Variants in ANXA3 observed in about 807,000 individuals in gnomAD.
ANXA3 encodes 35-alpha calcimedin.
ANXA3 carries 46 observed loss-of-function variants against 48.8 expected under a neutral mutation model. The observed-to-expected ratio is 0.94, with a 90% confidence interval of 0.74 to 1.21. ANXA3 has a LOEUF of 1.21. Ranked by LOEUF, ANXA3 falls within the 50% of genes most tolerant of loss-of-function variation. ANXA3 has a pLI of 0.00. For synonymous variants in ANXA3, 128 were observed against 134.7 expected, an observed-to-expected ratio of 0.95 and a Z score of 0.35; for missense variants, 383 against 378.6, an observed-to-expected ratio of 1.01 and a Z score of -0.10.
intron 2 of ANXA3, among the ~76,000 whole-genome samples, chr4:78,570,138 T>G (rs1273142869): frequency 1.3e-5 from 2 of 152,222 alleles, no homozygotes. Context: ...AAATTCCACT[T>G]CAGAATTCCC....
chr4:78,561,575 A>C (rs147243529), intron 2 of ANXA3, among the ~76,000 whole-genome samples: 195 of 152,170 alleles, frequency 1.3e-3, no homozygotes, highest in Non-Finnish European at 1.9e-3. Context: ...CTTCTTTGCT[A>C]TGCAAATTTA....
rs757424621 is a variant in ANXA3, at chr4:78,604,317, T to C, written c.830T>C (p.Val277Ala). The change falls in exon 12 of 13, where the codon GTG becomes GCG. Residue 277 changes from valine to alanine, a missense_variant. Coordinates refer to ENST00000264908, the MANE Select transcript of ANXA3 (RefSeq NM_005139.3). ...GAGTTTACTCTGAACCGAATAATGG[T>C]GTCCAGATCAGAAATTGACCTTTTG... ...TDEFTLNRIM[V>A]SRSEIDLLDI... 3 of 1,613,444 alleles carry C rather than the reference T, an allele frequency of 1.9e-6. No homozygotes were observed. In the East Asian group the frequency reaches 6.7e-5, roughly 36 times the overall value.
chr4:78,583,492 C>A (rs1479225955), intron 5 of ANXA3, among the ~76,000 whole-genome samples: 1 of 142,846 alleles, frequency 7.0e-6, no homozygotes, highest in African/African-American at 2.6e-5. Flanking sequence ...GGCATGGTGG[C>A]TCATGCCTGT....
chr4:78,593,297 G>A (rs1723343896), intron 7 of ANXA3, among the ~76,000 whole-genome samples: 1 of 151,984 alleles, frequency 6.6e-6, no homozygotes, highest in African/African-American at 2.4e-5. Flanking sequence ...CTGCCTCCCA[G>A]GTTCAAGCAA....
chr4:78,581,318 C>A (rs1175211830), intron 4 of ANXA3, among the ~76,000 whole-genome samples: 1 of 152,068 alleles, frequency 6.6e-6, no homozygotes, highest in Non-Finnish European at 1.5e-5. Flanking sequence ...AAAATAGAAA[C>A]CCTGTTACCC....
chr4:78,563,390 C>G (rs769326075), intron 2 of ANXA3, among the ~76,000 whole-genome samples: 1 of 152,150 alleles, frequency 6.6e-6, no homozygotes, highest in African/African-American at 2.4e-5. Flanking sequence ...GTCGTTCCCC[C>G]TCCCCCACCA....
intron 11 of ANXA3, chr4:78,603,997 G>C: frequency 4.1e-6 from 1 of 244,908 alleles, no homozygotes; most frequent in East Asian, 8.1e-5. Flanking sequence ...ATGTCAGACT[G>C]TTTTGCAATG....
At chr4:78,574,634 A>ATATGTTTTTGCCTCTTAACAT (rs1190639356) in intron 3 of ANXA3, among the ~76,000 whole-genome samples, 1 of 152,190 alleles carries the variant, frequency 6.6e-6, no homozygotes, top group Non-Finnish European at 1.5e-5. Flanking sequence ...TTCTTCTGCA[A>ATATGTTTTTGCCTCTTAACAT]TATGTTTTTG....
At chr4:78,581,448 T>C (rs559285677) in intron 4 of ANXA3, among the ~76,000 whole-genome samples, 19 of 152,292 alleles carry the variant, frequency 1.2e-4, no homozygotes, top group African/African-American at 3.6e-4. Context: ...AGGATAACTA[T>C]AGTTAACAAT....
At chr4:78,602,831 C>T (rs757515996) in intron 11 of ANXA3, 7 of 152,398 alleles carry the variant, frequency 4.6e-5, no homozygotes, top group Non-Finnish European at 1.0e-4. Context: ...AGGAATTTGC[C>T]CAACTCTCTG....
At chr4:78,603,646 T>G (rs1436157435) in intron 11 of ANXA3, 1 of 152,246 alleles carries the variant, frequency 6.6e-6, no homozygotes, top group East Asian at 1.9e-4. Flanking sequence ...TGATCTGATC[T>G]CAACATTCTC....
intron 3 of ANXA3, among the ~76,000 whole-genome samples, chr4:78,577,841 T>TA (rs1010812379): frequency 6.6e-5 from 10 of 152,136 alleles, no homozygotes; most frequent in Non-Finnish European, 1.3e-4. Context: ...GGAAATTAAT[T>TA]AGACACAACT....
chr4:78,603,104 C>G (rs149109805), intron 11 of ANXA3: 1 of 152,352 alleles, frequency 6.6e-6, no homozygotes, highest in East Asian at 1.9e-4. Flanking sequence ...TTCCAGCTTT[C>G]TTTTCTTCAT....
At chr4:78,565,785 A>G (rs911549844) in intron 2 of ANXA3, among the ~76,000 whole-genome samples, 13 of 152,230 alleles carry the variant, frequency 8.5e-5, no homozygotes, top group African/African-American at 2.9e-4. Flanking sequence ...GATCAGGTAT[A>G]TGTAAAATAC....
In ANXA3 at chr4:78,562,131, A is replaced by G. The variant is rs184399803; in HGVS notation, c.15+7643A>G. 2.0e-3 allele frequency among the ~76,000 whole-genome samples: 310 copies of G among 152,376 alleles called. 1 individual carries two copies. Among genetic ancestry groups the G allele is most frequent in the African/African-American group, 6.9e-3 (288 of 41,584 alleles). ...CTGGTAAATCAGAGGTAAAGAGGAAAATAAAAAGCTCTAGATCAGAGGAAG... is the reference window on the plus strand; with the variant it reads ...CTGGTAAATCAGAGGTAAAGAGGAAGATAAAAAGCTCTAGATCAGAGGAAG... On this transcript the variant is annotated intron_variant, in intron 2 of 12. Coordinates refer to ENST00000264908, the MANE Select transcript of ANXA3 (RefSeq NM_005139.3).
chr4:78,591,724 C>G, intron 7 of ANXA3, 101 bp downstream of exon 7: 2 of 801,416 alleles, frequency 2.5e-6, no homozygotes, highest in South Asian at 3.2e-5. Flanking sequence ...AATGAGTTCA[C>G]AATTTTCCTT....
intron 6 of ANXA3, among the ~76,000 whole-genome samples, chr4:78,588,266 G>A (rs1270474752): frequency 6.6e-6 from 1 of 151,474 alleles, no homozygotes; most frequent in Admixed American, 6.6e-5. Flanking sequence ...GGTGGTGCAC[G>A]CCTACAGTCC....
At chr4:78,598,179 CCACA>C (rs57634883) in intron 10 of ANXA3, among the ~76,000 whole-genome samples, 15 of 144,742 alleles carry the variant, frequency 1.0e-4, no homozygotes, top group South Asian at 2.2e-4. Context: ...ATTAAAAAAA[CCACA>C]CACACACACA....
chr4:78,608,022 G>C (rs1723687171), intron 12 of ANXA3, among the ~76,000 whole-genome samples: 1 of 152,140 alleles, frequency 6.6e-6, no homozygotes, highest in African/African-American at 2.4e-5. Context: ...AGCAAGATGA[G>C]TTCAGTTGAA....
Sources: gnomAD v4.1 joint callset for allele counts (sites outside exome capture counted in the v4.1 genomes callset) on GRCh38, gnomAD v4.1.1 for gene constraint, MANE v1.5 for transcripts, NCBI Gene and HGNC (gene_info 2026-07-23, HGNC 2026-07-21) for gene names.